The following WDPCP variants were observed in gnomAD, a reference collection of about 807,000 sequenced individuals.
The protein encoded by WDPCP is WD repeat containing planar cell polarity effector, also known as WD repeat-containing and planar cell polarity effector protein fritz homolog.
Under a neutral mutation model 93.1 loss-of-function variants are expected in WDPCP, and 71 were observed. The ratio of observed to expected loss-of-function variants is 0.76; its 90% CI spans 0.63 to 0.93. The LOEUF (loss-of-function observed/expected upper bound fraction) is 0.93, where lower values mean the gene tolerates loss of function less well. WDPCP is among the 40% of genes least tolerant of loss of function. The pLI is 0.00. For synonymous variants in WDPCP, 315 were observed against 315.0 expected (o/e 1.00, Z 0.00); for missense variants, 844 against 887.4 (o/e 0.95, Z 0.62).
chr2:63,309,132 G>C (rs893694023), intron 13 of WDPCP, among the ~76,000 whole-genome samples: 3 of 152,092 alleles, frequency 2.0e-5, no homozygotes, highest in African/African-American at 2.4e-5. Context: ...GTAAGGGTTA[G>C]AAATTTACCT....
intron 15 of WDPCP, among the ~76,000 whole-genome samples, chr2:63,165,563 G>C (rs985209037): frequency 6.6e-6 from 1 of 151,768 alleles, no homozygotes; most frequent in Non-Finnish European, 1.5e-5. Context: ...ATTCTACCTG[G>C]TCATCTGGGC....
intron 3 of WDPCP, chr2:63,622,943 G>C (rs539154303): frequency 3.2e-5 from 29 of 908,438 alleles, no homozygotes; most frequent in Non-Finnish European, 4.9e-5. Context: ...TGCCAGGCTC[G>C]TAGCTCAGTC....
chr2:63,128,741 T>C (rs1173241654), intron 17 of WDPCP, among the ~76,000 whole-genome samples: 1 of 152,224 alleles, frequency 6.6e-6, no homozygotes, highest in African/African-American at 2.4e-5. Context: ...CAATCTTGAC[T>C]CACCACAACC....
chr2:63,702,779 G>A (rs758501143), intron 2 of WDPCP, among the ~76,000 whole-genome samples: 10 of 147,180 alleles, frequency 6.8e-5, no homozygotes, highest in Non-Finnish European at 1.3e-4. Flanking sequence ...GTGCAGGTTT[G>A]TTACATATGT....
intron 4 of WDPCP, among the ~76,000 whole-genome samples, chr2:63,486,004 A>T (rs1401210830): frequency 6.6e-6 from 1 of 151,758 alleles, no homozygotes; most frequent in Non-Finnish European, 1.5e-5. Context: ...CAACCATTTA[A>T]AAAACAAGAG....
chr2:63,137,118 G>A (rs541201429), intron 17 of WDPCP, among the ~76,000 whole-genome samples: 39 of 152,240 alleles, frequency 2.6e-4, no homozygotes, highest in African/African-American at 4.3e-4. Flanking sequence ...GCTGTAGGAC[G>A]TTGAGGAATC....
intron 15 of WDPCP, chr2:63,168,564 T>G (rs1218336833): frequency 6.6e-6 from 1 of 152,172 alleles, no homozygotes; most frequent in African/African-American, 2.4e-5. Context: ...ATTTTATAAT[T>G]TTGTGAATTT....
intron 17 of WDPCP, among the ~76,000 whole-genome samples, chr2:63,134,471 CACAA>C (rs1206478735): frequency 1.3e-5 from 2 of 152,194 alleles, no homozygotes; most frequent in Non-Finnish European, 2.9e-5. Flanking sequence ...TATATGCATA[CACAA>C]ACACCCACAC....
intron 14 of WDPCP, among the ~76,000 whole-genome samples, chr2:63,227,062 G>A (rs1159397819): frequency 6.6e-6 from 1 of 151,768 alleles, no homozygotes; most frequent in Non-Finnish European, 1.5e-5. Flanking sequence ...GGATATTCAG[G>A]TAATGTAGAA....
intron 12 of WDPCP, among the ~76,000 whole-genome samples, chr2:63,343,855 A>C (rs1689014344): frequency 6.6e-6 from 1 of 151,870 alleles, no homozygotes; most frequent in African/African-American, 2.4e-5. Flanking sequence ...CAACTTTTCT[A>C]TTTGGTTCAT....
intron 10 of WDPCP, among the ~76,000 whole-genome samples, chr2:63,396,116 T>G (rs1377243321): frequency 1.3e-5 from 2 of 152,176 alleles, no homozygotes; most frequent in African/African-American, 4.8e-5. Context: ...TCACTCTAGT[T>G]TGAAGAAAGT....
chr2:63,135,391 G>A (rs945448198), intron 17 of WDPCP, among the ~76,000 whole-genome samples: 1 of 152,166 alleles, frequency 6.6e-6, no homozygotes, highest in Non-Finnish European at 1.5e-5. Context: ...GAGTGCAGTG[G>A]CGCGATCTTG....
chr2:63,133,021 G>A (rs1006795885), intron 17 of WDPCP, among the ~76,000 whole-genome samples: 1 of 152,176 alleles, frequency 6.6e-6, no homozygotes, highest in African/African-American at 2.4e-5. Flanking sequence ...TCTTTGCCAT[G>A]GAAGTCCTTT....
intron 3 of WDPCP, chr2:63,599,239 A>C: frequency 6.2e-7 from 1 of 1,613,714 alleles, no homozygotes; most frequent in Non-Finnish European, 8.5e-7. Flanking sequence ...ATCCATCCCC[A>C]AGGAGAACTT....
chr2:63,486,655 G>T, intron 3 of WDPCP, 69 bp from the exon 4 acceptor site: 1 of 1,316,012 alleles, frequency 7.6e-7, no homozygotes, highest in Non-Finnish European at 1.1e-6. Context: ...ATAATGCCTT[G>T]TATTTTAATA....
At chr2:63,676,549 T>A (rs538184324) in intron 2 of WDPCP, among the ~76,000 whole-genome samples, 2 of 152,190 alleles carry the variant, frequency 1.3e-5, no homozygotes, top group South Asian at 4.1e-4. Flanking sequence ...TACAAAATTA[T>A]GCTGAGTGAA....
At chr2:63,457,854 C>T (rs550722534) in intron 6 of WDPCP, among the ~76,000 whole-genome samples, 5 of 152,164 alleles carry the variant, frequency 3.3e-5, no homozygotes, top group African/African-American at 4.8e-5. Flanking sequence ...AACTGGAATA[C>T]GGTGGCTCAC....
intron 3 of WDPCP, chr2:63,642,891 G>A (rs1709997598): frequency 6.6e-6 from 1 of 152,148 alleles, no homozygotes; most frequent in Non-Finnish European, 1.5e-5. Context: ...CATCCTTGTT[G>A]TGTTGCAGAT....
At chr2:63,289,123 T>C (rs910186382) in intron 13 of WDPCP, among the ~76,000 whole-genome samples, 1 of 152,178 alleles carries the variant, frequency 6.6e-6, no homozygotes, top group Admixed American at 6.5e-5. Context: ...TTGTAAATCA[T>C]AGATATTTCA....
Sources: allele counts gnomAD v4.1 joint callset (sites outside exome capture counted in the v4.1 genomes callset), GRCh38; gene constraint gnomAD v4.1.1; transcripts MANE v1.5; gene names NCBI Gene and HGNC (gene_info 2026-07-23, HGNC 2026-07-21).